The following FRMD4B variants were observed in gnomAD, a reference collection of about 807,000 sequenced individuals.
FRMD4B encodes the protein FERM domain containing 4B, also known as FERM domain-containing protein 4B.
FRMD4B carries 74 observed loss-of-function variants against 141.5 expected under a neutral mutation model. The observed-to-expected ratio is 0.52, with a 90% confidence interval of 0.43 to 0.63. FRMD4B has a LOEUF of 0.63. Among genes scored for constraint, FRMD4B ranks in the 30% least tolerant of loss-of-function variants. FRMD4B has a pLI of 0.00. For missense variants in FRMD4B, 1,366 were observed against 1,253.4 expected (o/e 1.09, Z -1.36); for synonymous variants, 506 against 467.9 (o/e 1.08, Z -1.05).
intron 1 of FRMD4B, among the ~76,000 whole-genome samples, chr3:69,453,927 C>T: frequency 6.6e-6 from 1 of 152,136 alleles, no homozygotes; most frequent in East Asian, 1.9e-4. Flanking sequence ...CCCATAAGAA[C>T]TTGGTATCTC....
At position 69,181,406 on chromosome 3, in the gene FRMD4B, G is replaced by A. The variant is rs1375694737; in HGVS notation, c.2344C>T (p.Leu782=). ...STSNSGSMPN[L]AQKDSLRNGV... ...TTCCTCAAACTATCCTTTTGTGCTA[G>A]GTTGGGCATGCTTCCTGAATTTGAA... Residue 782 remains leucine (L), a synonymous_variant, in exon 21 of 23, where the codon CTA becomes TTA. Coordinates refer to ENST00000398540, the MANE Select transcript of FRMD4B (RefSeq NM_015123.3). The A allele has an allele frequency of 6.2e-7, 1 of 1,613,942 alleles. No individual in the cohort carries two copies. The highest frequency in any genetic ancestry group is 1.1e-5 in the South Asian group (1 of 91,070).
intron 22 of FRMD4B, among the ~76,000 whole-genome samples, chr3:69,176,187 C>T (rs1244697826): frequency 2.0e-5 from 3 of 151,834 alleles, no homozygotes; most frequent in Non-Finnish European, 2.9e-5. Context: ...TACTGAAGAC[C>T]AGGGTCAAAT....
At position 69,352,874 on chromosome 3, in the gene FRMD4B, C is replaced by T. The variant is rs1357065619; in HGVS notation, c.162+32954G>A. ...CTGGAGGCAAAGCAGGGACCCACAT[C>T]AAAGGATCCTTTCAGATGGGCTGCT... On this transcript the variant is annotated intron_variant, in intron 1 of 22. Coordinates refer to ENST00000398540, the MANE Select transcript of FRMD4B (RefSeq NM_015123.3). Among the ~76,000 whole-genome samples the T allele has an allele frequency of 2.6e-5, 4 of 152,272 alleles. No individual in the cohort carries two copies. In the East Asian group the frequency reaches 7.7e-4, roughly 29 times the overall value.
At chr3:69,310,991 A>G (rs1308975246) in intron 3 of FRMD4B, among the ~76,000 whole-genome samples, 1 of 152,220 alleles carries the variant, frequency 6.6e-6, no homozygotes, top group Non-Finnish European at 1.5e-5. Flanking sequence ...CAAAGACATG[A>G]GAAGATACAC....
At chr3:69,537,209 G>C (rs893019493) in intron 1 of FRMD4B, among the ~76,000 whole-genome samples, 1 of 152,198 alleles carries the variant, frequency 6.6e-6, no homozygotes, top group Non-Finnish European at 1.5e-5. Context: ...CGATCGCCCT[G>C]CTTCTAGGGC....
At chr3:69,346,564 T>C (rs1307508001) in intron 1 of FRMD4B, among the ~76,000 whole-genome samples, 5 of 152,088 alleles carry the variant, frequency 3.3e-5, no homozygotes, top group Non-Finnish European at 2.9e-5. Context: ...GGAAAAAATG[T>C]TAAGGGCAGC....
intron 6 of FRMD4B, among the ~76,000 whole-genome samples, chr3:69,249,704 C>G (rs540513956): frequency 6.6e-6 from 1 of 152,082 alleles, no homozygotes; most frequent in African/African-American, 2.4e-5. Flanking sequence ...AAAATGTATA[C>G]AAAAGTTACT....
intron 2 of FRMD4B, among the ~76,000 whole-genome samples, chr3:69,405,420 C>T (rs765059327): frequency 3.3e-5 from 5 of 152,126 alleles, no homozygotes; most frequent in Non-Finnish European, 5.9e-5. Context: ...GAGGACATAG[C>T]GGTTTGTGTA....
chr3:69,314,380 T>C (rs921789748), intron 1 of FRMD4B, among the ~76,000 whole-genome samples: 11 of 150,018 alleles, frequency 7.3e-5, no homozygotes, highest in Non-Finnish European at 1.3e-4. Flanking sequence ...CTACAAAAAA[T>C]AGCCAGGCAT....
intron 19 of FRMD4B, among the ~76,000 whole-genome samples, chr3:69,187,104 C>T (rs368693794): frequency 4.6e-5 from 7 of 152,232 alleles, no homozygotes; most frequent in South Asian, 4.1e-4. Context: ...TGGACTTTAA[C>T]GACAATTTCC....
intron 4 of FRMD4B, among the ~76,000 whole-genome samples, chr3:69,289,090 G>C (rs554982234): frequency 1.7e-4 from 26 of 152,324 alleles, no homozygotes; most frequent in African/African-American, 6.3e-4. Flanking sequence ...AGATGGAGGA[G>C]TGTCAGATTT....
chr3:69,489,313 TG>T (rs1706267801), intron 1 of FRMD4B, among the ~76,000 whole-genome samples: 2 of 148,268 alleles, frequency 1.3e-5, no homozygotes, highest in Non-Finnish European at 3.0e-5. Context: ...GTATATAAAA[TG>T]TATACATATA....
rs557538788 is a variant in FRMD4B, at chr3:69,336,116, G to A, written c.163-22599C>T. ...ATTATAACTTCCCTTGGGGGGTGAA[G>A]TCACCCTATGGAGAATGCACAGTTT... On this transcript the variant is annotated intron_variant, in intron 1 of 22. Transcript: ENST00000398540. Among the ~76,000 whole-genome samples the A allele has an allele frequency of 6.6e-5, 10 of 152,144 alleles. No homozygotes were observed. The East Asian group carries it at 1.9e-3, about 29-fold the overall frequency.
intron 1 of FRMD4B, among the ~76,000 whole-genome samples, chr3:69,342,775 A>G (rs1702780898): frequency 6.6e-6 from 1 of 152,124 alleles, no homozygotes; most frequent in Admixed American, 6.5e-5. Context: ...GGAACATTCA[A>G]TATCCTCCTA....
intron 14 of FRMD4B, among the ~76,000 whole-genome samples, 160 bp from the exon 15 acceptor site, chr3:69,195,524 C>G (rs181582613): frequency 3.9e-5 from 6 of 152,148 alleles, no homozygotes; most frequent in Admixed American, 3.9e-4. Context: ...AACATTTTCT[C>G]ATTCTTCTGG....
At chr3:69,427,451 A>T (rs911489353) in intron 2 of FRMD4B, among the ~76,000 whole-genome samples, 2 of 150,644 alleles carry the variant, frequency 1.3e-5, no homozygotes. Flanking sequence ...ATATATTTTT[A>T]AAATTAACCT....
chr3:69,536,527 G>A lies in FRMD4B; in HGVS notation c.-129+5679C>T, dbSNP rs9840490. 8.4e-4 allele frequency: 586 copies of A among 697,582 alleles called. 7 individuals carry two copies. The highest frequency in any genetic ancestry group is 7.8e-3 in the African/African-American group (445 of 56,830). The allele number at this position is 697,582 out of a possible 1,614,324, so 43.2% of individuals were successfully genotyped here. ...CCCAGCCTGCAGCGCCTCTACCACC[G>A]TGCGGGGGGTGGGGAATAGGGGGGA... On this transcript the variant is annotated intron_variant, in intron 1 of 5. Coordinates refer to the FRMD4B transcript ENST00000459638.
At chr3:69,441,193 C>A (rs1330086822) in intron 1 of FRMD4B, among the ~76,000 whole-genome samples, 28 of 152,186 alleles carry the variant, frequency 1.8e-4, no homozygotes, top group Admixed American at 1.7e-3. Context: ...GGTTTCCTAT[C>A]TTCCTCCTGG....
chr3:69,329,433 T>G (rs886856699), intron 1 of FRMD4B, among the ~76,000 whole-genome samples: 3 of 151,406 alleles, frequency 2.0e-5, no homozygotes, highest in Non-Finnish European at 4.4e-5. Context: ...CACTGCAACT[T>G]CTCCCTCCCG....
Sources: allele counts gnomAD v4.1 joint callset (sites outside exome capture counted in the v4.1 genomes callset), GRCh38; gene constraint gnomAD v4.1.1; transcripts MANE v1.5; gene names NCBI Gene and HGNC (gene_info 2026-07-23, HGNC 2026-07-21).